The following RORA variants were observed in gnomAD, a reference collection of about 807,000 sequenced individuals.
RORA encodes the protein nuclear receptor ROR-alpha.
RORA carries 7 observed loss-of-function variants against 69.5 expected under a neutral mutation model. That is an observed-to-expected ratio of 0.10 (90% CI 0.06 to 0.19). RORA has a LOEUF of 0.19. RORA is among the 10% of genes least tolerant of loss of function. The pLI is 1.00. For synonymous variants in RORA, 261 were observed against 240.8 expected (o/e 1.08, Z -0.78); for missense variants, 457 against 663.0 (o/e 0.69, Z 3.41).
intron 4 of RORA, 132 bp downstream of exon 4, chr15:60,514,484 T>TG (rs1360751899): frequency 1.5e-5 from 12 of 799,630 alleles, no homozygotes; most frequent in Middle Eastern, 7.1e-4. Flanking sequence ...CAGAGGAGCA[T>TG]GGGGGGCGGG....
chr15:60,950,229 A>T (rs1427514156), intron 1 of RORA, among the ~76,000 whole-genome samples: 1 of 150,862 alleles, frequency 6.6e-6, no homozygotes, highest in Non-Finnish European at 1.5e-5. Context: ...TTTACAGACA[A>T]GCAAATGCTG....
intron 2 of RORA, chr15:60,592,536 C>T (rs1329872872): frequency 6.2e-6 from 8 of 1,287,518 alleles, no homozygotes; most frequent in Non-Finnish European, 7.8e-6. Flanking sequence ...TGCCCGCCCG[C>T]CGAGAGCCAT....
At chr15:60,793,863 G>A (rs1210778536) in intron 1 of RORA, among the ~76,000 whole-genome samples, 1 of 152,188 alleles carries the variant, frequency 6.6e-6, no homozygotes, top group Admixed American at 6.5e-5. Context: ...CTGATGCTCT[G>A]TGACATTTGA....
At position 60,492,857 on chromosome 15, in the gene RORA, T is replaced by G. The variant is rs1007340032; in HGVS notation, c.*4598A>C. 1.3e-5 allele frequency: 2 copies of G among 152,124 alleles called. No homozygotes were observed. The highest frequency in any genetic ancestry group is 4.8e-5 in the African/African-American group (2 of 41,440). The allele number at this position is 152,124 out of a possible 1,614,324, so 9.4% of individuals were successfully genotyped here. On this transcript the variant is annotated 3_prime_UTR_variant, in exon 11 of 11. Coordinates refer to ENST00000335670, the MANE Select transcript of RORA (RefSeq NM_134261.3). ...CAAAATGAGACGAGAGTAAAGAGTT[T>G]ACACACACGCAGTTCTATATAGTTC...
chr15:60,570,203 G>A (rs2067839810), intron 2 of RORA, among the ~76,000 whole-genome samples: 1 of 152,130 alleles, frequency 6.6e-6, no homozygotes, highest in African/African-American at 2.4e-5. Flanking sequence ...AACTAAATGT[G>A]CATGAAAAAT....
chr15:60,751,235 G>C (rs1163767267), intron 1 of RORA, among the ~76,000 whole-genome samples: 4 of 152,156 alleles, frequency 2.6e-5, no homozygotes, highest in Non-Finnish European at 5.9e-5. Flanking sequence ...TCCTTCAACA[G>C]TGATTCTAAC....
chr15:61,053,478 C>T (rs2078043341), intron 1 of RORA, among the ~76,000 whole-genome samples: 1 of 152,090 alleles, frequency 6.6e-6, no homozygotes, highest in African/African-American at 2.4e-5. Flanking sequence ...GTTGTGAATA[C>T]AGTTTCACGA....
intron 1 of RORA, among the ~76,000 whole-genome samples, chr15:61,167,081 A>G (rs2079544824): frequency 6.6e-6 from 1 of 152,114 alleles, no homozygotes; most frequent in African/African-American, 2.4e-5. Context: ...TGCACCCCTA[A>G]TGCTTCTCTG....
intron 1 of RORA, among the ~76,000 whole-genome samples, chr15:61,184,357 C>T (rs2079718549): frequency 6.6e-6 from 1 of 152,162 alleles, no homozygotes; most frequent in South Asian, 2.1e-4. Context: ...AAACTTCACG[C>T]ATTACATCAT....
intron 1 of RORA, among the ~76,000 whole-genome samples, chr15:60,988,465 T>A (rs1894276561): frequency 6.6e-6 from 1 of 152,192 alleles, no homozygotes; most frequent in Non-Finnish European, 1.5e-5. Flanking sequence ...GTGAGCATAA[T>A]GTTTGGGGAT....
chr15:60,844,398 A>T (rs1219750043), intron 1 of RORA, among the ~76,000 whole-genome samples: 1 of 152,208 alleles, frequency 6.6e-6, no homozygotes, highest in African/African-American at 2.4e-5. Context: ...AAAGCCAATG[A>T]AGGAGTTGTT....
chr15:60,500,096 C>T (rs1036319226), intron 9 of RORA, 92 bp from the exon 10 acceptor site: 22 of 754,128 alleles, frequency 2.9e-5, no homozygotes, highest in Admixed American at 5.4e-5. Flanking sequence ...ATAATTATAT[C>T]ACAATGAATA....
At chr15:60,932,527 C>T (rs1892404218) in intron 1 of RORA, among the ~76,000 whole-genome samples, 1 of 152,170 alleles carries the variant, frequency 6.6e-6, no homozygotes, top group Non-Finnish European at 1.5e-5. Flanking sequence ...CCATGTAGTG[C>T]AAGGAAATAA....
chr15:60,863,948 A>G (rs2073459047), intron 1 of RORA, among the ~76,000 whole-genome samples: 2 of 152,094 alleles, frequency 1.3e-5, no homozygotes, highest in Non-Finnish European at 2.9e-5. Context: ...CTGAGACTAC[A>G]GGTGCGTGCC....
intron 2 of RORA, among the ~76,000 whole-genome samples, chr15:60,597,253 A>G (rs2068686520): frequency 6.6e-6 from 1 of 151,790 alleles, no homozygotes; most frequent in South Asian, 2.1e-4. Flanking sequence ...GGAACCATAT[A>G]TTTCATACAC....
chr15:61,167,673 AC>A (rs2079550377), intron 1 of RORA, among the ~76,000 whole-genome samples: 1 of 152,152 alleles, frequency 6.6e-6, no homozygotes, highest in Non-Finnish European at 1.5e-5. Flanking sequence ...TTGAAAACCA[AC>A]CTTTCAAATT....
At chr15:60,841,376 A>G (rs963147275) in intron 1 of RORA, among the ~76,000 whole-genome samples, 5 of 152,210 alleles carry the variant, frequency 3.3e-5, no homozygotes, top group African/African-American at 1.2e-4. Context: ...TGCCGCGGCC[A>G]CAGCCATCCA....
intron 1 of RORA, among the ~76,000 whole-genome samples, chr15:60,845,778 G>C (rs1446556500): frequency 2.0e-5 from 3 of 152,172 alleles, no homozygotes; most frequent in Non-Finnish European, 4.4e-5. Context: ...ATGGAGTCTT[G>C]CTCTGTCGCC....
At chr15:61,045,009 G>A (rs1289838818) in intron 1 of RORA, among the ~76,000 whole-genome samples, 3 of 152,188 alleles carry the variant, frequency 2.0e-5, no homozygotes, top group African/African-American at 4.8e-5. Context: ...GGCTGTCCCT[G>A]GCTTTCTCCT....
Sources: gnomAD v4.1 joint callset for allele counts (sites outside exome capture counted in the v4.1 genomes callset) on GRCh38, gnomAD v4.1.1 for gene constraint, MANE v1.5 for transcripts, NCBI Gene and HGNC (gene_info 2026-07-23, HGNC 2026-07-21) for gene names.